The following OR56A1 variants were observed in gnomAD, a reference collection of about 807,000 sequenced individuals.
OR56A1 encodes olfactory receptor 56A1.
For missense variants in OR56A1, 360 were observed against 380.9 expected, an observed-to-expected ratio of 0.94 and a Z score of 0.46; for synonymous variants, 174 against 159.1, an observed-to-expected ratio of 1.09 and a Z score of -0.70.
chr11:6,028,500 G>A (rs146641183), intron 1 of OR56A1, among the ~76,000 whole-genome samples: 33 of 152,032 alleles, frequency 2.2e-4, no homozygotes, highest in East Asian at 1.5e-3. Context: ...CAAATACCAC[G>A]TCATGGAGAA....
Position 6,027,291 on chromosome 11 carries a change from C to G in OR56A1, c.402G>C (p.Arg134=). Residue 134 remains arginine (R), a synonymous_variant, in exon 2 of 2, where the codon CGG becomes CGC. Coordinates refer to ENST00000641900, the MANE Select transcript of OR56A1 (RefSeq NM_001388488.1). ...DRYVAICHPL[R]YPSIITNQFV... ...ATTGATTAGTGATGATGGATGGGTA[C>G]CGCAGTGGGTGGCAGATGGCCACAT... 1 of 1,614,230 alleles carries G rather than the reference C, an allele frequency of 6.2e-7. No individual in the cohort carries two copies. Among genetic ancestry groups the G allele is most frequent in the Non-Finnish European group, 8.5e-7 (1 of 1,180,048 alleles).
intron 1 of OR56A1, among the ~76,000 whole-genome samples, chr11:6,030,412 A>G (rs1362026906): frequency 6.6e-6 from 1 of 152,078 alleles, no homozygotes; most frequent in Non-Finnish European, 1.5e-5. Flanking sequence ...TCATCACTAT[A>G]TAAACAGGGT....
In OR56A1 at chr11:6,020,165, C is replaced by T. The variant is rs1848380968; in HGVS notation, c.*6583G>A. 3 of 152,098 alleles carry T rather than the reference C, an allele frequency of 2.0e-5. No homozygotes were observed. In the South Asian group the frequency reaches 6.2e-4, roughly 31 times the overall value. 9.4% of individuals were successfully genotyped at this position (152,098 alleles called of 1,614,324 possible). On this transcript the variant is annotated 3_prime_UTR_variant, in exon 2 of 2. Coordinates refer to ENST00000641900, the MANE Select transcript of OR56A1 (RefSeq NM_001388488.1). ...ATTCTGCATAAACTCAAAAGCTAAG[C>T]AGAAAATACATTGTTTCCAATCAAA... is the stretch of plus-strand genomic sequence containing the variant.
intron 1 of OR56A1, among the ~76,000 whole-genome samples, chr11:6,029,724 C>A (rs1848494557): frequency 6.6e-6 from 1 of 152,178 alleles, no homozygotes; most frequent in African/African-American, 2.4e-5. Flanking sequence ...TCATCCACTA[C>A]CTTGACGTCA....
Position 6,023,241 on chromosome 11 carries a change from A to C in OR56A1, c.*3507T>G, listed in dbSNP as rs1040504043. 1 of 152,194 alleles carries C rather than the reference A, an allele frequency of 6.6e-6. No individual in the cohort carries two copies. The highest frequency in any genetic ancestry group is 2.4e-5 in the African/African-American group (1 of 41,448). 9.4% of individuals were successfully genotyped at this position (152,194 alleles called of 1,614,324 possible). A position where few individuals can be genotyped will look rare whatever the true frequency, so the allele number is the denominator to read the frequency against. On this transcript the variant is annotated 3_prime_UTR_variant, in exon 2 of 2. Coordinates refer to ENST00000641900, the MANE Select transcript of OR56A1 (RefSeq NM_001388488.1). ...GTTGCTGTTTAAGTTCTACAGTTGC[A>C]GTCTTGATGCTATAAACTTTCTCTG... is the stretch of plus-strand genomic sequence containing the variant.
rs1848448807 is a variant in OR56A1 at position 6,026,512 on chromosome 11, A to G, written c.*236T>C. 1 of 475,916 alleles carries G rather than the reference A, an allele frequency of 2.1e-6. No homozygotes were observed. Among genetic ancestry groups the G allele is most frequent in the Non-Finnish European group, 3.7e-6 (1 of 271,076 alleles). The allele number at this position is 475,916 out of a possible 1,614,324, so 29.5% of individuals were successfully genotyped here. A position where few individuals can be genotyped will look rare whatever the true frequency, so the allele number is the denominator to read the frequency against. ...CCTGCAGAGATGTGTTGAAGATTAAATTACTTAAATGTAACTGCCAAGGTT... is the reference window on the plus strand; with the variant it reads ...CCTGCAGAGATGTGTTGAAGATTAAGTTACTTAAATGTAACTGCCAAGGTT... On this transcript the variant is annotated 3_prime_UTR_variant, in exon 2 of 2. Coordinates refer to ENST00000641900, the MANE Select transcript of OR56A1 (RefSeq NM_001388488.1).
At position 6,024,320 on chromosome 11, in the gene OR56A1, C is replaced by T. The variant is rs1329956857; in HGVS notation, c.*2428G>A. The T allele has an allele frequency of 6.6e-6, 1 of 152,190 alleles. No individual in the cohort carries two copies. Among genetic ancestry groups the T allele is most frequent in the Non-Finnish European group, 1.5e-5 (1 of 68,050 alleles). 9.4% of individuals were successfully genotyped at this position (152,190 alleles called of 1,614,324 possible). A position where few individuals can be genotyped will look rare whatever the true frequency, so the allele number is the denominator to read the frequency against. On this transcript the variant is annotated 3_prime_UTR_variant, in exon 2 of 2. Transcript: ENST00000641900. ...TTGGTAGTTTCTATCCCTATGTACA[C>T]CCAGTTTGAGTCAAGCATCTCATAA...
Position 6,026,852 on chromosome 11 carries a change from C to A in OR56A1, c.841G>T (p.Val281Phe), listed in dbSNP as rs139101039. 1.7e-4 allele frequency: 268 copies of A among 1,614,126 alleles called. 1 individual carries two copies. In the South Asian group the frequency reaches 1.8e-3, roughly 11 times the overall value. ...GCAGGAGGAATAAGGTGATGAAGGA[C>A]GTTCAGCAGGATCAGGATGTCCATG... ...VPMDILILLN[V>F]LHHLIPPALN... The change falls in exon 2 of 2, where the codon GTC becomes TTC. Residue 281 changes from valine to phenylalanine, a missense_variant. Val to Phe is a conservative substitution (Grantham distance 50). Coordinates refer to ENST00000641900, the MANE Select transcript of OR56A1 (RefSeq NM_001388488.1).
Position 6,026,218 on chromosome 11 carries a change from C to A in OR56A1, c.*530G>T, listed in dbSNP as rs1463390636. On this transcript the variant is annotated 3_prime_UTR_variant, in exon 2 of 2. Coordinates refer to ENST00000641900, the MANE Select transcript of OR56A1 (RefSeq NM_001388488.1). ...TCTTCTTGCCCAGCAGAAGTTTTGTCAAGCAAGACTCTGCCTTCTCTGAGA... is the reference window on the plus strand; with the variant it reads ...TCTTCTTGCCCAGCAGAAGTTTTGTAAAGCAAGACTCTGCCTTCTCTGAGA... The A allele has an allele frequency of 6.5e-6, 1 of 153,236 alleles. No individual in the cohort carries two copies. Among genetic ancestry groups the A allele is most frequent in the Non-Finnish European group, 1.5e-5 (1 of 68,824 alleles). 9.5% of individuals were successfully genotyped at this position (153,236 alleles called of 1,614,324 possible).
upstream of OR56A1, among the ~76,000 whole-genome samples, chr11:6,032,644 G>A (rs1412596705): frequency 6.6e-6 from 1 of 152,118 alleles, no homozygotes; most frequent in African/African-American, 2.4e-5. Context: ...GTAGCCACAG[G>A]GGGGTTGTCT....
intron 1 of OR56A1, 70 bp downstream of exon 1, chr11:6,030,632 C>A (rs1032753587): frequency 6.6e-5 from 10 of 152,200 alleles, no homozygotes; most frequent in African/African-American, 2.2e-4. Flanking sequence ...GATCTTCGAA[C>A]GTTACATGAG....
rs775777371 is a variant in OR56A1 at position 6,023,810 on chromosome 11, A to AATTC, written c.*2937_*2938insGAAT. On this transcript the variant is annotated 3_prime_UTR_variant, in exon 2 of 2. Transcript: ENST00000641900. ...TTATATCCACTCAAGACAGTGCTTG[A>AATTC]AAACCTTTACAGAGAGGACATGTTT... 1.1e-4 allele frequency: 17 copies of AATTC among 152,236 alleles called. No individual in the cohort carries two copies. The highest frequency in any genetic ancestry group is 2.5e-4 in the Non-Finnish European group (17 of 68,036). 9.4% of individuals were successfully genotyped at this position (152,236 alleles called of 1,614,324 possible).
At position 6,019,731 on chromosome 11, in the gene OR56A1, A is replaced by C. The variant is rs1272981715; in HGVS notation, c.*7017T>G. On this transcript the variant is annotated 3_prime_UTR_variant, in exon 2 of 2. Coordinates refer to ENST00000641900, the MANE Select transcript of OR56A1 (RefSeq NM_001388488.1). ...AAAAGACAATATGTCAGGCAACAGC[A>C]TAACTAAGATACTAAACCTGACTTC... 2 of 152,176 alleles carry C rather than the reference A, an allele frequency of 1.3e-5. No individual in the cohort carries two copies. Among genetic ancestry groups the C allele is most frequent in the Non-Finnish European group, 2.9e-5 (2 of 68,000 alleles). The allele number at this position is 152,176 out of a possible 1,614,324, so 9.4% of individuals were successfully genotyped here. A position where few individuals can be genotyped will look rare whatever the true frequency, so the allele number is the denominator to read the frequency against.
intron 1 of OR56A1, among the ~76,000 whole-genome samples, chr11:6,028,189 G>A (rs1848476368): frequency 6.6e-6 from 1 of 151,286 alleles, no homozygotes; most frequent in African/African-American, 2.4e-5. Flanking sequence ...GAAGAAAATA[G>A]AATATAAATT....
rs1215816491 is a variant in OR56A1 at position 6,019,541 on chromosome 11, A to G, written c.*7207T>C. The G allele has an allele frequency of 2.0e-5, 3 of 152,210 alleles. No homozygotes were observed. The highest frequency in any genetic ancestry group is 2.9e-5 in the Non-Finnish European group (2 of 68,060). The allele number at this position is 152,210 out of a possible 1,614,324, so 9.4% of individuals were successfully genotyped here. A position where few individuals can be genotyped will look rare whatever the true frequency, so the allele number is the denominator to read the frequency against. On this transcript the variant is annotated 3_prime_UTR_variant, in exon 2 of 2. Coordinates refer to ENST00000641900, the MANE Select transcript of OR56A1 (RefSeq NM_001388488.1). ...CAGAAGACAAGAAGGAGCAACTTAC[A>G]TCTTGCATGGGTGGTGGGAGGAAAA...
In OR56A1 at chr11:6,019,434, T is replaced by C. The variant is rs933030137; in HGVS notation, c.*7314A>G. 1 of 152,166 alleles carries C rather than the reference T, an allele frequency of 6.6e-6. No homozygotes were observed. Among genetic ancestry groups the C allele is most frequent in the African/African-American group, 2.4e-5 (1 of 41,456 alleles). 9.4% of individuals were successfully genotyped at this position (152,166 alleles called of 1,614,324 possible). A position where few individuals can be genotyped will look rare whatever the true frequency, so the allele number is the denominator to read the frequency against. ...TTCTCATGCTGCTGATAAAGACTTA[T>C]CTGAAACTGGGCAATTTACAAAAGA... On this transcript the variant is annotated 3_prime_UTR_variant, in exon 2 of 2. Coordinates refer to ENST00000641900, the MANE Select transcript of OR56A1 (RefSeq NM_001388488.1).
At chr11:6,032,984 A>T (rs1248426321), upstream of OR56A1, among the ~76,000 whole-genome samples, 1 of 152,110 alleles carries the variant, frequency 6.6e-6, no homozygotes, top group Non-Finnish European at 1.5e-5. Flanking sequence ...TCCCTGAGGT[A>T]CATCCCCCTT....
At position 6,026,707 on chromosome 11, in the gene OR56A1, T is replaced by C. The variant is rs574887924; in HGVS notation, c.*41A>G. The C allele has an allele frequency of 7.0e-6, 9 of 1,279,264 alleles. No homozygotes were observed. The African/African-American group carries it at 1.2e-4, about 17-fold the overall frequency. 79.2% of individuals were successfully genotyped at this position (1,279,264 alleles called of 1,614,324 possible). On this transcript the variant is annotated 3_prime_UTR_variant, in exon 2 of 2. Transcript: ENST00000641900. ...TACTTCGCTGCCTAGGTAAAATCACTGAAGAGGAAGAACAGGAGGTATTAG... is the reference window on the plus strand; with the variant it reads ...TACTTCGCTGCCTAGGTAAAATCACCGAAGAGGAAGAACAGGAGGTATTAG...
At chr11:6,031,789 G>C (rs547717446), upstream of OR56A1, among the ~76,000 whole-genome samples, 1 of 152,160 alleles carries the variant, frequency 6.6e-6, no homozygotes, top group Non-Finnish European at 1.5e-5. Flanking sequence ...AAAATTAGAA[G>C]GATCGTAGTT....
Sources: gnomAD v4.1 joint callset for allele counts (sites outside exome capture counted in the v4.1 genomes callset) on GRCh38, gnomAD v4.1.1 for gene constraint, MANE v1.5 for transcripts, NCBI Gene and HGNC (gene_info 2026-07-23, HGNC 2026-07-21) for gene names.